ACBD6: variants seen among roughly 807,000 people sequenced by gnomAD.
The protein encoded by ACBD6 is acyl-CoA binding domain containing 6, also known as acyl-CoA-binding domain-containing protein 6.
Under a neutral mutation model 37.2 loss-of-function variants are expected in ACBD6, and 28 were observed. The observed-to-expected ratio is 0.75, with a 90% CI of 0.56 to 1.03. ACBD6 has a LOEUF of 1.03. Ranked by LOEUF, ACBD6 falls within the 50% of genes least tolerant of loss-of-function variation. ACBD6 has a pLI of 0.00. For missense variants in ACBD6, 340 were observed against 337.4 expected (o/e 1.01, Z -0.06); for synonymous variants, 113 against 126.8 (o/e 0.89, Z 0.73).
chr1:180,272,096 G>GACGGAGTCTC, intron 13 of ACBD6: 1 of 1,239,560 alleles, frequency 8.1e-7, no homozygotes, highest in South Asian at 1.6e-5. Context: ...TCTTTCTTGA[G>GACGGAGTCTC]GCCTTGGCAA....
At chr1:180,489,831 A>AT (rs1240529245) in intron 3 of ACBD6, among the ~76,000 whole-genome samples, 7 of 151,626 alleles carry the variant, frequency 4.6e-5, no homozygotes, top group African/African-American at 7.3e-5. Context: ...TAATTTTTGC[A>AT]TTTTTTTAGT....
rs542052309 is a variant in ACBD6, at chr1:180,403,564, G to A, written c.574-5959C>T. 2.5e-4 allele frequency among the ~76,000 whole-genome samples: 38 copies of A among 152,110 alleles called. 1 individual carries two copies. The highest frequency in any genetic ancestry group is 3.4e-3 in the Middle Eastern group (1 of 294). Reference sequence around the variant, plus strand: ...GTTCATTGTAAAATTCAACTTCTCTGTATGTTTAACATTTTTCATAATAGA... The same window carrying A: ...GTTCATTGTAAAATTCAACTTCTCTATATGTTTAACATTTTTCATAATAGA... On this transcript the variant is annotated intron_variant, in intron 5 of 7. Transcript: ENST00000367595.
At chr1:180,435,386 C>A in intron 3 of ACBD6, 1 of 405,918 alleles carries the variant, frequency 2.5e-6, no homozygotes, top group Non-Finnish European at 4.5e-6. Flanking sequence ...GTAACTGGGA[C>A]TACAGGCGCC....
chr1:180,395,668 T>A (rs967579812), intron 6 of ACBD6, among the ~76,000 whole-genome samples: 1 of 152,120 alleles, frequency 6.6e-6, no homozygotes, highest in Non-Finnish European at 1.5e-5. Context: ...TGGACAAGGA[T>A]GCGGAGAAAT....
chr1:180,290,637 G>C (rs893064978), intron 7 of ACBD6, among the ~76,000 whole-genome samples: 3 of 152,240 alleles, frequency 2.0e-5, no homozygotes, highest in African/African-American at 7.2e-5. Flanking sequence ...AAGGCAGGGA[G>C]GAAGGAGGAG....
chr1:180,357,876 G>C (rs1320317148), intron 6 of ACBD6, among the ~76,000 whole-genome samples: 1 of 152,148 alleles, frequency 6.6e-6, no homozygotes, highest in Non-Finnish European at 1.5e-5. Flanking sequence ...TATTTCATAA[G>C]CTCTTGTAAT....
At chr1:180,497,758 A>G (rs1032519346) in intron 1 of ACBD6, among the ~76,000 whole-genome samples, 3 of 152,200 alleles carry the variant, frequency 2.0e-5, no homozygotes, top group Non-Finnish European at 2.9e-5. Flanking sequence ...TTGCATTTGC[A>G]TATCTAATGC....
intron 6 of ACBD6, among the ~76,000 whole-genome samples, chr1:180,320,133 G>T (rs772386698): frequency 3.9e-5 from 6 of 152,056 alleles, no homozygotes; most frequent in Non-Finnish European, 8.8e-5. Context: ...AGTGTATAAG[G>T]GTTCCCTTTT....
intron 6 of ACBD6, among the ~76,000 whole-genome samples, chr1:180,375,935 C>T (rs867835531): frequency 1.3e-5 from 2 of 151,904 alleles, no homozygotes; most frequent in African/African-American, 2.4e-5. Flanking sequence ...ACAACATATA[C>T]CACAAAGGGT....
rs1209582707 is a variant in ACBD6 at position 180,417,848 on chromosome 1, G to A, written c.468-4377C>T. Among the ~76,000 whole-genome samples, 5 of 152,246 alleles carry A rather than the reference G, an allele frequency of 3.3e-5. No homozygotes were observed. The East Asian group carries it at 9.7e-4, about 29-fold the overall frequency. On this transcript the variant is annotated intron_variant, in intron 4 of 7. Transcript: ENST00000367595. Reference sequence around the variant, plus strand: ...CTATCTTCCAAAATTCAGTCATACTGCTAGTGAATATTACTTCTTTGTAGG... The same window carrying A: ...CTATCTTCCAAAATTCAGTCATACTACTAGTGAATATTACTTCTTTGTAGG...
chr1:180,372,959 C>T (rs1344133252), intron 6 of ACBD6, among the ~76,000 whole-genome samples: 1 of 152,060 alleles, frequency 6.6e-6, no homozygotes, highest in African/African-American at 2.4e-5. Flanking sequence ...TCTCCCAGAC[C>T]GGGACTTTGA....
chr1:180,443,779 A>ATTTTTT (rs71121019), intron 3 of ACBD6, among the ~76,000 whole-genome samples: 3 of 134,102 alleles, frequency 2.2e-5, no homozygotes, highest in African/African-American at 8.3e-5. Flanking sequence ...CGCCCAGCTA[A>ATTTTTT]TTTTTTTTTT....
At chr1:180,478,995 T>G (rs1227220371) in intron 3 of ACBD6, among the ~76,000 whole-genome samples, 1 of 152,044 alleles carries the variant, frequency 6.6e-6, no homozygotes, top group East Asian at 1.9e-4. Context: ...TTCGCTGGTG[T>G]GATGGCACAC....
chr1:180,372,300 TTC>T (rs1653290639), intron 6 of ACBD6, among the ~76,000 whole-genome samples: 1 of 152,114 alleles, frequency 6.6e-6, no homozygotes, highest in Admixed American at 6.5e-5. Context: ...ACAATTAACT[TTC>T]TGTCCTATTT....
At chr1:180,469,897 ATT>A in intron 3 of ACBD6, among the ~76,000 whole-genome samples, 1 of 152,308 alleles carries the variant, frequency 6.6e-6, no homozygotes, top group Admixed American at 6.5e-5. Flanking sequence ...CAGTTTACAA[ATT>A]TGTTTTCTAC....
At chr1:180,465,860 A>G (rs545606421) in intron 3 of ACBD6, among the ~76,000 whole-genome samples, 5 of 152,326 alleles carry the variant, frequency 3.3e-5, no homozygotes, top group East Asian at 3.9e-4. Context: ...TTTTATAGGA[A>G]CATGGATAGA....
At chr1:180,432,832 T>G (rs1447937948) in intron 3 of ACBD6, among the ~76,000 whole-genome samples, 1 of 151,430 alleles carries the variant, frequency 6.6e-6, no homozygotes, top group East Asian at 2.0e-4. Context: ...CCTGGAAACA[T>G]ACAATCTACC....
At chr1:180,394,154 C>G (rs987994746) in intron 6 of ACBD6, among the ~76,000 whole-genome samples, 3 of 152,134 alleles carry the variant, frequency 2.0e-5, no homozygotes, top group African/African-American at 7.2e-5. Flanking sequence ...AATGCAGTGG[C>G]ACAATCATAG....
intron 6 of ACBD6, among the ~76,000 whole-genome samples, chr1:180,335,487 G>A (rs1164571632): frequency 1.3e-5 from 2 of 152,106 alleles, no homozygotes; most frequent in Non-Finnish European, 2.9e-5. Context: ...CACCAGGCCT[G>A]CTTTACAACA....
Sources: gnomAD v4.1 joint callset for allele counts (sites outside exome capture counted in the v4.1 genomes callset) on GRCh38, gnomAD v4.1.1 for gene constraint, MANE v1.5 for transcripts, NCBI Gene and HGNC (gene_info 2026-07-23, HGNC 2026-07-21) for gene names.